Variants in TACR1 observed in about 807,000 individuals in gnomAD.
The protein encoded by TACR1 is substance-P receptor.
TACR1 carries 25 observed loss-of-function variants against 35.8 expected under a neutral mutation model. The ratio of observed to expected loss-of-function variants is 0.70; its 90% confidence interval spans 0.51 to 0.98. The LOEUF (loss-of-function observed/expected upper bound fraction) is 0.98. TACR1 is among the 50% of genes least tolerant of loss of function. The pLI is 0.00. For missense variants in TACR1, 478 were observed against 522.9 expected (o/e 0.91, Z 0.84); for synonymous variants, 195 against 206.7 (o/e 0.94, Z 0.48).
chr2:75,125,105 G>A (rs1330371889), intron 1 of TACR1, among the ~76,000 whole-genome samples: 1 of 152,124 alleles, frequency 6.6e-6, no homozygotes, highest in African/African-American at 2.4e-5. Context: ...TGCCTTTACT[G>A]CTGTGAAGAT....
Position 75,179,635 on chromosome 2 carries a change from T to G in TACR1, c.389+18911A>C, listed in dbSNP as rs75431022. Among the ~76,000 whole-genome samples the G allele has an allele frequency of 2.6e-5, 4 of 152,326 alleles. No homozygotes were observed. The South Asian group carries it at 8.3e-4, about 32-fold the overall frequency. On this transcript the variant is annotated intron_variant, in intron 1 of 4. Coordinates refer to ENST00000305249, the MANE Select transcript of TACR1 (RefSeq NM_001058.4). ...AGTTGGGCCTGGCCATGTGACTAGC[T>G]CTTGGTAATGGACTATGAAGAGAAG...
At chr2:75,186,157 A>C (rs1002912255) in intron 1 of TACR1, among the ~76,000 whole-genome samples, 1 of 151,830 alleles carries the variant, frequency 6.6e-6, no homozygotes, top group Non-Finnish European at 1.5e-5. Context: ...GCGGATCACG[A>C]GGTCAAGAGA....
chr2:75,077,082 T>G (rs189480651), intron 2 of TACR1, among the ~76,000 whole-genome samples: 51 of 152,318 alleles, frequency 3.3e-4, no homozygotes, highest in African/African-American at 1.1e-3. Context: ...GCGAATCTCC[T>G]GCTTCAGCCT....
chr2:75,141,658 A>G (rs981746175), intron 1 of TACR1, among the ~76,000 whole-genome samples: 1 of 152,228 alleles, frequency 6.6e-6, no homozygotes, highest in African/African-American at 2.4e-5. Context: ...TCTTGGTCCT[A>G]TATCAGGCAC....
intron 1 of TACR1, among the ~76,000 whole-genome samples, chr2:75,185,248 TAAAC>T (rs1438062731): frequency 1.3e-5 from 2 of 152,006 alleles, no homozygotes; most frequent in African/African-American, 4.8e-5. Context: ...AGTGGAATAT[TAAAC>T]AACAACTAAA....
chr2:75,125,115 T>G (rs1674047870), intron 1 of TACR1, among the ~76,000 whole-genome samples: 1 of 152,244 alleles, frequency 6.6e-6, no homozygotes, highest in Admixed American at 6.5e-5. Context: ...GCTGTGAAGA[T>G]CTCTAAACCT....
Position 75,062,613 on chromosome 2 carries a change from T to C in TACR1, c.585-8858A>G, listed in dbSNP as rs551027203. Among the ~76,000 whole-genome samples the C allele has an allele frequency of 1.8e-3, 269 of 152,346 alleles. 1 individual carries two copies. Among genetic ancestry groups the C allele is most frequent in the African/African-American group, 6.3e-3 (264 of 41,582 alleles). ...ATGATCTAATATTTAAGCGATACTTTAATTAACATATTCAAATATGTGTTG... is the reference window on the plus strand; with the variant it reads ...ATGATCTAATATTTAAGCGATACTTCAATTAACATATTCAAATATGTGTTG... On this transcript the variant is annotated intron_variant, in intron 2 of 4. Coordinates refer to ENST00000305249, the MANE Select transcript of TACR1 (RefSeq NM_001058.4).
intron 1 of TACR1, among the ~76,000 whole-genome samples, chr2:75,139,441 C>G (rs1438319901): frequency 6.6e-6 from 1 of 152,204 alleles, no homozygotes; most frequent in Non-Finnish European, 1.5e-5. Context: ...ATGAGAGCAG[C>G]AAAGGAGAAT....
chr2:75,083,034 T>G (rs1306757501), intron 2 of TACR1, among the ~76,000 whole-genome samples: 1 of 152,130 alleles, frequency 6.6e-6, no homozygotes. Flanking sequence ...GCCTAGGTTT[T>G]CTTCTAGGGT....
intron 1 of TACR1, among the ~76,000 whole-genome samples, chr2:75,145,880 C>T (rs1304668382): frequency 6.6e-6 from 1 of 152,012 alleles, no homozygotes; most frequent in Non-Finnish European, 1.5e-5. Flanking sequence ...ATTTTGAATT[C>T]CGTAGGGAGA....
intron 2 of TACR1, among the ~76,000 whole-genome samples, chr2:75,117,160 TGTG>T (rs754670165): frequency 1.3e-4 from 19 of 150,534 alleles, no homozygotes; most frequent in Non-Finnish European, 2.4e-4. Flanking sequence ...TGTGTGTGTG[TGTG>T]TGTGAAGCCC....
intron 1 of TACR1, among the ~76,000 whole-genome samples, chr2:75,138,937 T>C (rs1017682882): frequency 6.6e-6 from 1 of 152,138 alleles, no homozygotes; most frequent in African/African-American, 2.4e-5. Context: ...ACCTGTGCAA[T>C]TACAACTGTG....
chr2:75,187,287 A>C (rs1207953767), intron 1 of TACR1: 1 of 152,252 alleles, frequency 6.6e-6, no homozygotes, highest in East Asian at 1.9e-4. Context: ...TGCAGAGTGC[A>C]GTAGCACCTC....
chr2:75,082,112 T>C (rs1166320976), intron 2 of TACR1, among the ~76,000 whole-genome samples: 1 of 152,212 alleles, frequency 6.6e-6, no homozygotes, highest in East Asian at 1.9e-4. Flanking sequence ...GATGTTTCCC[T>C]TCCTGTGTCC....
chr2:75,088,788 A>G, intron 2 of TACR1, among the ~76,000 whole-genome samples: 1 of 152,028 alleles, frequency 6.6e-6, no homozygotes, highest in East Asian at 1.9e-4. Context: ...TGAATCTTGA[A>G]TCATTCTTCC....
At chr2:75,163,383 T>C (rs921742918) in intron 1 of TACR1, among the ~76,000 whole-genome samples, 2 of 152,212 alleles carry the variant, frequency 1.3e-5, no homozygotes, top group Non-Finnish European at 2.9e-5. Flanking sequence ...TGTGAATCAG[T>C]TCACAGCAGT....
At chr2:75,143,377 C>T (rs1345954669) in intron 1 of TACR1, among the ~76,000 whole-genome samples, 2 of 152,170 alleles carry the variant, frequency 1.3e-5, no homozygotes, top group Non-Finnish European at 2.9e-5. Context: ...AGCTTTAGCT[C>T]TTGTCTTCCT....
intron 1 of TACR1, chr2:75,187,398 C>G (rs1675732879): frequency 9.3e-6 from 1 of 107,824 alleles, no homozygotes; most frequent in Non-Finnish European, 1.8e-5. Context: ...CAGCAGACCC[C>G]TTGGTGGTAT....
At chr2:75,168,242 C>T (rs766225366) in intron 1 of TACR1, among the ~76,000 whole-genome samples, 10 of 152,146 alleles carry the variant, frequency 6.6e-5, no homozygotes, top group Admixed American at 1.3e-4. Context: ...AATAGTGCCC[C>T]TCCACTCCCA....
Sources: allele counts gnomAD v4.1 joint callset (sites outside exome capture counted in the v4.1 genomes callset), GRCh38; gene constraint gnomAD v4.1.1; transcripts MANE v1.5; gene names NCBI Gene and HGNC (gene_info 2026-07-23, HGNC 2026-07-21).